Variants in THSD7A observed in about 807,000 individuals in gnomAD.
The protein encoded by THSD7A is thrombospondin type-1 domain-containing protein 7A.
THSD7A carries 96 observed loss-of-function variants against 231.3 expected under a neutral mutation model. The ratio of observed to expected loss-of-function variants is 0.41; its 90% CI spans 0.35 to 0.49. The LOEUF is 0.49. THSD7A is among the 20% of genes least tolerant of loss of function. THSD7A has a pLI of 0.05. For missense variants in THSD7A, 2,290 were observed against 2,070.2 expected, an observed-to-expected ratio of 1.11 and a Z score of -2.06; for synonymous variants, 940 against 743.3, an observed-to-expected ratio of 1.26 and a Z score of -4.30.
rs1784851292 is a variant in THSD7A at position 11,820,761 on chromosome 7, A to G, written c.190+10996T>C. The G allele has an allele frequency of 5.0e-6, 6 of 1,211,844 alleles. No individual in the cohort carries two copies. The South Asian group carries it at 7.2e-5, about 15-fold the overall frequency. 75.1% of individuals were successfully genotyped at this position (1,211,844 alleles called of 1,614,324 possible). A position where few individuals can be genotyped will look rare whatever the true frequency, so the allele number is the denominator to read the frequency against. ...TCAGTGTACTCTTCTGCTTTGTAGG[A>G]GTGAGATGACCGGGAGGAAGAGGAG... On this transcript the variant is annotated intron_variant, in intron 1 of 27. Transcript: ENST00000423059.
Position 11,692,109 on chromosome 7 carries a change from C to T in THSD7A, c.191-55148G>A, listed in dbSNP as rs182143664. ...GTAGGGTGAGATGGATCCAAAGGTTCCAGCTCAATACAAGTGGTCCAGAAT... is the reference window on the plus strand; with the variant it reads ...GTAGGGTGAGATGGATCCAAAGGTTTCAGCTCAATACAAGTGGTCCAGAAT... On this transcript the variant is annotated intron_variant, in intron 1 of 27. Transcript: ENST00000423059. 1.7e-3 allele frequency among the ~76,000 whole-genome samples: 256 copies of T among 151,426 alleles called. 1 individual carries two copies. The highest frequency in any genetic ancestry group is 5.8e-3 in the South Asian group (28 of 4,814).
intron 6 of THSD7A, among the ~76,000 whole-genome samples, chr7:11,535,621 C>A (rs926562137): frequency 6.6e-6 from 1 of 151,754 alleles, no homozygotes; most frequent in African/African-American, 2.4e-5. Flanking sequence ...GAAGACATAA[C>A]ATTCTACAGG....
chr7:11,452,549 T>C (rs1785178627), intron 11 of THSD7A, among the ~76,000 whole-genome samples: 1 of 151,990 alleles, frequency 6.6e-6, no homozygotes, highest in South Asian at 2.1e-4. Context: ...GTGAGAATAC[T>C]AGGATGAGAA....
intron 13 of THSD7A, among the ~76,000 whole-genome samples, chr7:11,438,706 G>C (rs147392221): frequency 2.5e-4 from 38 of 152,130 alleles, no homozygotes; most frequent in African/African-American, 8.7e-4. Context: ...TACAAAAACT[G>C]TATGTTAGCT....
intron 13 of THSD7A, among the ~76,000 whole-genome samples, chr7:11,433,370 C>G (rs1456439759): frequency 6.6e-6 from 1 of 151,746 alleles, no homozygotes; most frequent in Non-Finnish European, 1.5e-5. Context: ...TATTTTAGGG[C>G]CAGTAATCAC....
intron 1 of THSD7A, among the ~76,000 whole-genome samples, chr7:11,717,782 T>C (rs1781192816): frequency 6.6e-6 from 1 of 151,644 alleles, no homozygotes; most frequent in African/African-American, 2.4e-5. Context: ...TATGAAGTAT[T>C]ATTTTTTGGT....
At chr7:11,466,912 C>T (rs2240049) in intron 9 of THSD7A, among the ~76,000 whole-genome samples, 37,753 of 151,858 alleles carry the variant, frequency 0.25, 4,939 homozygotes, top group Admixed American at 0.36. Context: ...CATTATGCCT[C>T]ACATGCCTGC....
intron 2 of THSD7A, among the ~76,000 whole-genome samples, chr7:11,609,345 C>G (rs758923763): frequency 1.3e-5 from 2 of 152,060 alleles, no homozygotes; most frequent in Non-Finnish European, 2.9e-5. Context: ...CCCATGAAAC[C>G]TTCATGGGAC....
At chr7:11,387,030 G>C (rs1487645473) in intron 23 of THSD7A, among the ~76,000 whole-genome samples, 1 of 152,092 alleles carries the variant, frequency 6.6e-6, no homozygotes, top group Admixed American at 6.6e-5. Context: ...TAGATGTGTG[G>C]TGTTATTTCT....
At chr7:11,522,503 C>CTT (rs1028933548) in intron 6 of THSD7A, among the ~76,000 whole-genome samples, 1 of 152,048 alleles carries the variant, frequency 6.6e-6, no homozygotes, top group Admixed American at 6.6e-5. Flanking sequence ...TGGGTTTTAT[C>CTT]TTTTCATTTG....
chr7:11,596,447 C>T (rs1207096027), intron 2 of THSD7A, among the ~76,000 whole-genome samples: 1 of 152,098 alleles, frequency 6.6e-6, no homozygotes, highest in Admixed American at 6.5e-5. Flanking sequence ...GTCGTTTCCC[C>T]AGGGCCAGAA....
chr7:11,495,880 G>T (rs181806011), intron 6 of THSD7A, among the ~76,000 whole-genome samples: 2 of 152,076 alleles, frequency 1.3e-5, no homozygotes, highest in East Asian at 3.9e-4. Context: ...ACACAGAATC[G>T]AAATAACAGG....
intron 1 of THSD7A, among the ~76,000 whole-genome samples, chr7:11,679,722 C>T (rs1336512497): frequency 6.6e-6 from 1 of 152,264 alleles, no homozygotes; most frequent in South Asian, 2.1e-4. Context: ...AAAAGCATTC[C>T]ATGCTCATGG....
intron 4 of THSD7A, among the ~76,000 whole-genome samples, chr7:11,560,680 A>T (rs1006837131): frequency 6.6e-6 from 1 of 152,126 alleles, no homozygotes; most frequent in African/African-American, 2.4e-5. Context: ...AAAATAATCT[A>T]ACACATTATT....
At chr7:11,633,675 T>C (rs892822001) in intron 2 of THSD7A, among the ~76,000 whole-genome samples, 5 of 152,300 alleles carry the variant, frequency 3.3e-5, no homozygotes, top group African/African-American at 1.2e-4. Context: ...AACCGTTTCC[T>C]GCTGTCAGAA....
At chr7:11,533,858 C>T (rs1788804936) in intron 6 of THSD7A, among the ~76,000 whole-genome samples, 1 of 152,110 alleles carries the variant, frequency 6.6e-6, no homozygotes, top group Admixed American at 6.6e-5. Context: ...AACAAACCTA[C>T]AGGTTCTGCA....
At chr7:11,769,153 A>ATATATATATATATATTT in intron 1 of THSD7A, among the ~76,000 whole-genome samples, 1 of 27,648 alleles carries the variant, frequency 3.6e-5, no homozygotes, top group Non-Finnish European at 7.0e-5. Context: ...ATATATATAT[A>ATATATATATATATATTT]TTTTTTTTTT....
intron 2 of THSD7A, among the ~76,000 whole-genome samples, chr7:11,630,947 G>A (rs1168265028): frequency 6.6e-6 from 1 of 152,166 alleles, no homozygotes; most frequent in Non-Finnish European, 1.5e-5. Context: ...GGAGATGGCT[G>A]CCTCCTCTCC....
At chr7:11,570,646 C>T (rs1790584430) in intron 4 of THSD7A, among the ~76,000 whole-genome samples, 1 of 152,060 alleles carries the variant, frequency 6.6e-6, no homozygotes, top group Non-Finnish European at 1.5e-5. Context: ...AATGGCCTTG[C>T]TTTTTAATAT....
Sources: allele counts gnomAD v4.1 joint callset (sites outside exome capture counted in the v4.1 genomes callset), GRCh38; gene constraint gnomAD v4.1.1; transcripts MANE v1.5; gene names NCBI Gene and HGNC (gene_info 2026-07-23, HGNC 2026-07-21).